PRSS33: variants seen among roughly 807,000 people sequenced by gnomAD.
PRSS33 encodes serine protease 33, also known as protease, serine 33.
PRSS33 carries 32 observed loss-of-function variants against 26.7 expected under a neutral mutation model. The ratio of observed to expected loss-of-function variants is 1.20; its 90% CI spans 0.90 to 1.61. The LOEUF (loss-of-function observed/expected upper bound fraction) is 1.61. Ranked by LOEUF, PRSS33 falls within the 40% of genes most tolerant of loss-of-function variation. PRSS33 has a pLI of 0.00. For synonymous variants in PRSS33, 192 were observed against 177.6 expected (o/e 1.08, Z -0.64); for missense variants, 450 against 396.3 (o/e 1.14, Z -1.15).
Position 2,785,086 on chromosome 16 carries a change from G to C in PRSS33, c.600C>G (p.Gly200=), listed in dbSNP as rs369059939. The C allele has an allele frequency of 3.1e-4, 490 of 1,561,774 alleles. 1 individual carries two copies. The African/African-American group carries it at 6.1e-3, about 19-fold the overall frequency. ...SRTCDGLYHV[G]ADVPQAERIV... The stretch of plus-strand genomic sequence containing the variant: ...TGCGCTCAGCCTGGGGCACGTCCGC[G>C]CCCACGTGGTAGAGGCCGTCGCAGG... Residue 200 remains glycine, a synonymous_variant, in exon 6 of 7, where the codon GGC becomes GGG. Coordinates refer to ENST00000682474, the MANE Select transcript of PRSS33 (RefSeq NM_152891.3).
chr16:2,784,823 T>C, intron 6 of PRSS33, 21 bp from the exon 7 acceptor site: 3 of 1,591,606 alleles, frequency 1.9e-6, no homozygotes, highest in Non-Finnish European at 2.6e-6. Flanking sequence ...AAGAGGAGCC[T>C]AAGTCCCAGC....
chr16:2,786,482 C>G lies in PRSS33; in HGVS notation c.46+20G>C. ...CCAAGGTGTCTGCGGCCCTCACCCC[C>G]AGTCCCTGTCCCCACTCACCCAGCA... On this transcript the variant is annotated intron_variant, in intron 2 of 6. Coordinates refer to ENST00000682474, the MANE Select transcript of PRSS33 (RefSeq NM_152891.3). 1 of 1,613,234 alleles carries G rather than the reference C, an allele frequency of 6.2e-7. No individual in the cohort carries two copies. Among genetic ancestry groups the G allele is most frequent in the Non-Finnish European group, 8.5e-7 (1 of 1,179,644 alleles).
chr16:2,784,680 T>G lies in PRSS33; in HGVS notation c.807A>C (p.Thr269=), dbSNP rs1399559558. The stretch of plus-strand genomic sequence containing the variant: ...CGCGAGCCTGAATCCAGGGGCTATA[T>G]GTGGCCACACTGGTGTAGACCCCTG... ...NRPGVYTSVA[T]YSPWIQARVS... The change falls in exon 7 of 7, where the codon ACA becomes ACC. Residue 269 remains threonine, a synonymous_variant. Coordinates refer to ENST00000682474, the MANE Select transcript of PRSS33 (RefSeq NM_152891.3). The G allele has an allele frequency of 3.1e-6, 5 of 1,605,260 alleles. No individual in the cohort carries two copies.
rs7195287 is a variant in PRSS33 at position 2,786,026 on chromosome 16, T to C, written c.79+63A>G. On this transcript the variant is annotated intron_variant, in intron 3 of 6. Coordinates refer to ENST00000682474, the MANE Select transcript of PRSS33 (RefSeq NM_152891.3). ...CTGGGGCCTGGGAGGCAGGTGTTGG[T>C]GGGGAGACACGGGGCCGAGGTCCAG... is the stretch of plus-strand genomic sequence containing the variant. The C allele has an allele frequency of 1.5e-4, 240 of 1,612,074 alleles. 1 individual carries two copies. Among genetic ancestry groups the C allele is most frequent in the Middle Eastern group, 4.9e-4 (3 of 6,080 alleles).
chr16:2,786,248 GC>G, intron 2 of PRSS33, 127 bp from the exon 3 acceptor site: 1 of 980,712 alleles, frequency 1.0e-6, no homozygotes, highest in Non-Finnish European at 1.6e-6. Context: ...AGGCTTTCGT[GC>G]CGTCTGTTAT....
Position 2,784,780 on chromosome 16 carries a change from G to A in PRSS33, c.707C>T (p.Thr236Ile), listed in dbSNP as rs752625879. 6.2e-6 allele frequency: 10 copies of A among 1,608,452 alleles called. No individual in the cohort carries two copies. In the East Asian group the frequency reaches 2.0e-4, roughly 32 times the overall value. ...ACQGDSGGPLTCLQSGSWVLV... is the reference protein window; with the variant it reads ...ACQGDSGGPLICLQSGSWVLV... The stretch of plus-strand genomic sequence containing the variant: ...GACCCAGCTCCCAGACTGCAGGCAG[G>A]TCAGAGGTCCCCCAGAATCACCCTG... The change falls in exon 7 of 7, where the codon ACC (threonine) becomes ATC (isoleucine). Residue 236 changes from threonine (T) to isoleucine (I), a missense_variant. Physicochemically the swap from Thr to Ile is moderately conservative, Grantham distance 89 (BLOSUM62 -1). Coordinates refer to ENST00000682474, the MANE Select transcript of PRSS33 (RefSeq NM_152891.3).
chr16:2,786,091 G>A lies in PRSS33; in HGVS notation c.77C>T (p.Ala26Val). The change falls in exon 3 of 7, where the codon GCA (alanine) becomes GTA (valine). Residue 26 changes from alanine (A) to valine (V), a missense_variant and splice_region_variant. Transcript: ENST00000682474. ...GGTGGACTCCGAGGCTTCCTCACCTGCAGACTTCCTTCCCTGAGTCCCAGC... is the reference window on the plus strand; with the variant it reads ...GGTGGACTCCGAGGCTTCCTCACCTACAGACTTCCTTCCCTGAGTCCCAGC... The part of the protein sequence containing the change: ...GAAGTQGRKS[A>V]ACGQPRMSSR... 1.2e-6 allele frequency: 2 copies of A among 1,613,368 alleles called. No individual in the cohort carries two copies. The highest frequency in any genetic ancestry group is 1.7e-6 in the Non-Finnish European group (2 of 1,179,644).
In PRSS33 at chr16:2,784,493, A is replaced by C. The variant is rs1026008503; in HGVS notation, c.*151T>G. 1.9e-6 allele frequency: 1 copy of C among 532,944 alleles called. No homozygotes were observed. Among genetic ancestry groups the C allele is most frequent in the Non-Finnish European group, 3.1e-6 (1 of 320,740 alleles). The allele number at this position is 532,944 out of a possible 1,614,324, so 33.0% of individuals were successfully genotyped here. A position where few individuals can be genotyped will look rare whatever the true frequency, so the allele number is the denominator to read the frequency against. The stretch of plus-strand genomic sequence containing the variant: ...ATCCCCAAAGAGGAGAGGAGGCAGG[A>C]GGTGGTGGGTGGGGGGTGGGGTGGC... On this transcript the variant is annotated 3_prime_UTR_variant, in exon 7 of 7. Transcript: ENST00000682474.
Position 2,785,407 on chromosome 16 carries a change from C to A in PRSS33, c.482G>T (p.Arg161Leu), listed in dbSNP as rs763038933. ...GARPPPGTPC[R>L]VTGWGSLRPG... ...GCGGAGGCTGCCCCAGCCGGTGACC[C>A]GGCATGGTGTGCCGGGCGGCGGGCG... The change falls in exon 5 of 7, where the codon CGG (arginine) becomes CTG (leucine). Residue 161 changes from arginine to leucine, a missense_variant. Transcript: ENST00000682474. The A allele has an allele frequency of 9.7e-6, 14 of 1,438,700 alleles. No individual in the cohort carries two copies. The East Asian group carries it at 3.7e-4, about 38-fold the overall frequency. 89.1% of individuals were successfully genotyped at this position (1,438,700 alleles called of 1,614,324 possible).
chr16:2,785,989 T>C lies in PRSS33; in HGVS notation c.80-28A>G, dbSNP rs781571157. ...AGAAAAGGACCAGGGGCGGTGAGGG[T>C]TGGCTGAGGACCTGGGGCCTGGGAG... On this transcript the variant is annotated intron_variant, in intron 3 of 6. Coordinates refer to ENST00000682474, the MANE Select transcript of PRSS33 (RefSeq NM_152891.3). 2.2e-5 allele frequency: 35 copies of C among 1,612,526 alleles called. No individual in the cohort carries two copies. The East Asian group carries it at 7.8e-4, about 36-fold the overall frequency.
intron 1 of PRSS33, chr16:2,786,916 A>G (rs1333983834): frequency 3.8e-4 from 23 of 60,466 alleles, no homozygotes; most frequent in African/African-American, 1.8e-3. Flanking sequence ...CCCCTCCCTC[A>G]TCCTCACTCC....
chr16:2,785,325 G>A, intron 5 of PRSS33, 50 bp downstream of exon 5: 1 of 1,460,220 alleles, frequency 6.8e-7, no homozygotes, highest in Non-Finnish European at 9.0e-7. Context: ...TCAGATGGAG[G>A]AGGACGTGGG....
At chr16:2,786,150 A>T in intron 2 of PRSS33, 29 bp from the exon 3 acceptor site, 1 of 1,603,310 alleles carries the variant, frequency 6.2e-7, no homozygotes, top group South Asian at 1.1e-5. Context: ...AAGGGACCAG[A>T]TTATAGATTT....
chr16:2,784,943 G>T (rs2068854690), intron 6 of PRSS33, 59 bp downstream of exon 6: 6 of 1,564,860 alleles, frequency 3.8e-6, no homozygotes, highest in Non-Finnish European at 3.5e-6. Context: ...GGAGTTCAGG[G>T]AGGGAGGGTG....
chr16:2,785,718 C>T (rs1365040654), intron 4 of PRSS33, 72 bp from the exon 5 acceptor site: 24 of 1,477,050 alleles, frequency 1.6e-5, no homozygotes, highest in Non-Finnish European at 2.1e-5. Flanking sequence ...TCGACCCCAA[C>T]GCCTCTGCCA....
At position 2,786,534 on chromosome 16, in the gene PRSS33, G is replaced by C; in HGVS notation, c.14C>G (p.Ser5Cys). ...CAGAAGGAGCAGGACCTGGAGACAG[G>C]AAACCCCTCTCATTCTGTCTTCAAG... is the stretch of plus-strand genomic sequence containing the variant. MRGV[S>C]CLQVLLLLVL... The change falls in exon 2 of 7, where the codon TCC (serine) becomes TGC (cysteine). Residue 5 changes from serine (S) to cysteine (C), a missense_variant. Coordinates refer to ENST00000682474, the MANE Select transcript of PRSS33 (RefSeq NM_152891.3). 1 of 1,613,392 alleles carries C rather than the reference G, an allele frequency of 6.2e-7. No homozygotes were observed. The highest frequency in any genetic ancestry group is 8.5e-7 in the Non-Finnish European group (1 of 1,179,730).
rs1316953854 is a variant in PRSS33 at position 2,785,581 on chromosome 16, C to T, written c.308G>A (p.Arg103His). ...GALRLGSTSP[R>H]TLSVPVRRVL... ...CCGTCGCACGGGCACCGAGAGCGTG[C>T]GGGGCGAGGTGGAGCCCAGACGCAG... Residue 103 changes from arginine (R) to histidine (H), a missense_variant, in exon 5 of 7, where the codon CGC becomes CAC. Arg to His is a conservative substitution (Grantham distance 29). Transcript: ENST00000682474. The T allele has an allele frequency of 1.3e-6, 2 of 1,524,098 alleles. No homozygotes were observed. The highest frequency in any genetic ancestry group is 2.0e-5 in the Admixed American group (1 of 49,774). 94.4% of individuals were successfully genotyped at this position (1,524,098 alleles called of 1,614,324 possible).
At chr16:2,785,339 T>C (rs2068860397) in intron 5 of PRSS33, 36 bp downstream of exon 5, 1 of 1,453,476 alleles carries the variant, frequency 6.9e-7, no homozygotes, top group South Asian at 1.4e-5. Context: ...ACGTGGGGGC[T>C]CCCGGATGCC....
Position 2,785,543 on chromosome 16 carries a change from G to A in PRSS33, c.346C>T (p.Pro116Ser). The A allele has an allele frequency of 6.5e-7, 1 of 1,527,902 alleles. No homozygotes were observed. The highest frequency in any genetic ancestry group is 8.7e-7 in the Non-Finnish European group (1 of 1,144,494). The allele number at this position is 1,527,902 out of a possible 1,614,324, so 94.6% of individuals were successfully genotyped here. A position where few individuals can be genotyped will look rare whatever the true frequency, so the allele number is the denominator to read the frequency against. Reference sequence around the variant, plus strand: ...CGGGCCCCGTCCTCGGAGTAGTCCGGGGGCAGCAGCACCCGTCGCACGGGC... The same window carrying A: ...CGGGCCCCGTCCTCGGAGTAGTCCGAGGGCAGCAGCACCCGTCGCACGGGC... ...SVPVRRVLLP[P>S]DYSEDGARGD... Residue 116 changes from proline to serine, a missense_variant, in exon 5 of 7, where the codon CCG becomes TCG. Physicochemically the swap from Pro to Ser is moderately conservative, Grantham distance 74 (BLOSUM62 -1). Transcript: ENST00000682474.
Sources: allele counts gnomAD v4.1 joint callset, GRCh38; gene constraint gnomAD v4.1.1; transcripts MANE v1.5; gene names NCBI Gene and HGNC (gene_info 2026-07-23, HGNC 2026-07-21).